Variants in PARN observed in about 807,000 individuals in gnomAD.
PARN encodes the protein poly(A)-specific ribonuclease PARN.
In PARN, 71 loss-of-function variants were observed where a neutral mutation model predicts 102.8. The ratio of observed to expected loss-of-function variants is 0.69; its 90% CI spans 0.57 to 0.84. The LOEUF is 0.84. Among genes scored for constraint, PARN ranks in the 40% least tolerant of loss-of-function variants. PARN has a pLI of 0.00. For synonymous variants in PARN, 261 were observed against 252.9 expected, an observed-to-expected ratio of 1.03 and a Z score of -0.30; for missense variants, 782 against 760.9, an observed-to-expected ratio of 1.03 and a Z score of -0.33.
At chr16:14,505,535 C>T (rs937917175) in intron 21 of PARN, among the ~76,000 whole-genome samples, 6 of 151,984 alleles carry the variant, frequency 3.9e-5, no homozygotes, top group African/African-American at 1.2e-4. Context: ...CAAATTGGGA[C>T]AAGTATTTGC....
chr16:14,605,661 T>A (rs1971133655), intron 10 of PARN, among the ~76,000 whole-genome samples: 1 of 152,206 alleles, frequency 6.6e-6, no homozygotes, highest in East Asian at 1.9e-4. Flanking sequence ...CTACTTTATT[T>A]AATCTCTAAT....
At chr16:14,531,817 TCTCAATGAAAACTGGTTAGATGTAA>T (rs1443322687) in intron 21 of PARN, among the ~76,000 whole-genome samples, 1 of 151,794 alleles carries the variant, frequency 6.6e-6, no homozygotes, top group Non-Finnish European at 1.5e-5. Flanking sequence ...GCCCCAGACT[TCTCAATGAAAACTGGTTAGATGTAA>T]TATTTTATTT....
At position 14,436,622 on chromosome 16, in the gene PARN, A is replaced by G. The variant is rs1159644912; in HGVS notation, c.*95T>C. On this transcript the variant is annotated 3_prime_UTR_variant, in exon 24 of 24. Transcript: ENST00000437198. ...TGGTTTCCAACCCCTCCCATACCACATTTGATTAAGTTAAATACAGTGCGG... is the reference window on the plus strand; with the variant it reads ...TGGTTTCCAACCCCTCCCATACCACGTTTGATTAAGTTAAATACAGTGCGG... 5 of 895,492 alleles carry G rather than the reference A, an allele frequency of 5.6e-6. No individual in the cohort carries two copies. The highest frequency in any genetic ancestry group is 8.9e-6 in the Non-Finnish European group (5 of 563,816). The allele number at this position is 895,492 out of a possible 1,614,324, so 55.5% of individuals were successfully genotyped here.
At chr16:14,444,344 T>C (rs936726626) in intron 23 of PARN, among the ~76,000 whole-genome samples, 3 of 151,684 alleles carry the variant, frequency 2.0e-5, no homozygotes, top group Non-Finnish European at 4.4e-5. Context: ...AAGTACAAAA[T>C]CTACAATTTT....
At chr16:14,560,472 C>T (rs112611483) in intron 18 of PARN, among the ~76,000 whole-genome samples, 1 of 152,214 alleles carries the variant, frequency 6.6e-6, no homozygotes, top group Non-Finnish European at 1.5e-5. Flanking sequence ...CTTTATCAAA[C>T]ACTAAAATTA....
intron 12 of PARN, 113 bp from the exon 13 acceptor site, chr16:14,593,491 TTAAAAAA>T: frequency 2.2e-4 from 6 of 27,436 alleles, no homozygotes; most frequent in South Asian, 1.6e-3. Context: ...CTTTCCAGAC[TTAAAAAA>T]AAAAAAAAAA....
At chr16:14,522,350 TC>T (rs1026256523) in intron 21 of PARN, among the ~76,000 whole-genome samples, 12 of 152,140 alleles carry the variant, frequency 7.9e-5, no homozygotes, top group African/African-American at 2.9e-4. Flanking sequence ...GAACTTTTTT[TC>T]CTAAATGCAC....
intron 21 of PARN, among the ~76,000 whole-genome samples, chr16:14,532,811 A>ACC (rs1193238168): frequency 6.7e-5 from 9 of 135,160 alleles, no homozygotes; most frequent in South Asian, 5.0e-4. Context: ...CGGGGGGCTG[A>ACC]CCCCCCCACC....
At chr16:14,517,404 C>G (rs1404776971) in intron 21 of PARN, among the ~76,000 whole-genome samples, 9 of 152,194 alleles carry the variant, frequency 5.9e-5, no homozygotes, top group African/African-American at 9.7e-5. Flanking sequence ...TCCCAGTAAT[C>G]CCAGCTGAGA....
intron 23 of PARN, among the ~76,000 whole-genome samples, chr16:14,438,450 G>GC (rs1168925637): frequency 6.7e-6 from 1 of 148,834 alleles, no homozygotes; most frequent in Non-Finnish European, 1.5e-5. Flanking sequence ...TTGGGGGGGG[G>GC]GGTGTGTGAG....
At chr16:14,518,871 C>T (rs947809001) in intron 21 of PARN, among the ~76,000 whole-genome samples, 4 of 152,020 alleles carry the variant, frequency 2.6e-5, no homozygotes, top group Non-Finnish European at 5.9e-5. Flanking sequence ...CAAATGAACC[C>T]AATGTCTCCA....
At chr16:14,573,537 A>G (rs560424153) in intron 18 of PARN, among the ~76,000 whole-genome samples, 4 of 152,350 alleles carry the variant, frequency 2.6e-5, no homozygotes, top group African/African-American at 9.6e-5. Context: ...AGGAACTATC[A>G]AAGTCCTTTC....
At chr16:14,467,461 G>A (rs564366707) in intron 22 of PARN, among the ~76,000 whole-genome samples, 4 of 152,234 alleles carry the variant, frequency 2.6e-5, no homozygotes, top group South Asian at 2.1e-4. Flanking sequence ...CCAAGAATTC[G>A]GAGTCATTAA....
intron 18 of PARN, among the ~76,000 whole-genome samples, chr16:14,568,681 G>C (rs1371603581): frequency 6.6e-6 from 1 of 151,744 alleles, no homozygotes; most frequent in African/African-American, 2.4e-5. Flanking sequence ...AGGCTGAGGC[G>C]GGCGGAGATC....
chr16:14,619,148 G>C (rs1436986286), intron 5 of PARN, among the ~76,000 whole-genome samples: 1 of 151,868 alleles, frequency 6.6e-6, no homozygotes, highest in Admixed American at 6.6e-5. Context: ...GGCTGTAGTG[G>C]GCTACCATCA....
chr16:14,564,788 G>A (rs1373848341), intron 18 of PARN, among the ~76,000 whole-genome samples: 11 of 152,030 alleles, frequency 7.2e-5, no homozygotes, highest in Non-Finnish European at 1.2e-4. Context: ...TTCACTCCCC[G>A]AGTGAAAAAT....
chr16:14,475,839 T>C (rs1963014477), intron 22 of PARN, among the ~76,000 whole-genome samples: 1 of 152,064 alleles, frequency 6.6e-6, no homozygotes, highest in Non-Finnish European at 1.5e-5. Context: ...CATACTTTAA[T>C]CCCTTATTTT....
At chr16:14,437,991 C>A (rs904383476) in intron 23 of PARN, among the ~76,000 whole-genome samples, 2 of 152,066 alleles carry the variant, frequency 1.3e-5, no homozygotes, top group Non-Finnish European at 2.9e-5. Context: ...GTGAGGAGAC[C>A]GGGAAAGGGT....
chr16:14,572,608 A>G (rs1968877441), intron 18 of PARN, among the ~76,000 whole-genome samples: 1 of 152,204 alleles, frequency 6.6e-6, no homozygotes, highest in African/African-American at 2.4e-5. Context: ...CTGCTGCGTT[A>G]TATTCATTTC....
Sources: allele counts gnomAD v4.1 joint callset (sites outside exome capture counted in the v4.1 genomes callset), GRCh38; gene constraint gnomAD v4.1.1; transcripts MANE v1.5; gene names NCBI Gene and HGNC (gene_info 2026-07-23, HGNC 2026-07-21).